Variants in PI4KB observed in about 807,000 individuals in gnomAD.
PI4KB encodes PtdIns 4-kinase beta.
A neutral mutation model predicts 81.4 loss-of-function variants in PI4KB; 23 were observed. The ratio of observed to expected loss-of-function variants is 0.28; its 90% CI spans 0.20 to 0.40. The LOEUF is 0.40. Among genes scored for constraint, PI4KB ranks in the 10% least tolerant of loss-of-function variants. The probability of loss-of-function intolerance (pLI) is 1.00; values close to 1 mark genes in which losing one functional copy is unlikely to be tolerated. For synonymous variants in PI4KB, 381 were observed against 406.8 expected, an observed-to-expected ratio of 0.94 and a Z score of 0.76; for missense variants, 651 against 1,036.6, an observed-to-expected ratio of 0.63 and a Z score of 5.11.
intron 4 of PI4KB, among the ~76,000 whole-genome samples, chr1:151,307,001 G>A (rs1459763018): frequency 6.6e-6 from 1 of 152,134 alleles, no homozygotes; most frequent in Non-Finnish European, 1.5e-5. Flanking sequence ...CTTGAACCTG[G>A]GTTGCGGAGG....
At chr1:151,320,164 G>C (rs1376572549) in intron 1 of PI4KB, among the ~76,000 whole-genome samples, 1 of 152,194 alleles carries the variant, frequency 6.6e-6, no homozygotes, top group Non-Finnish European at 1.5e-5. Context: ...CTCACAAGTA[G>C]TTGGGACTAC....
At chr1:151,323,617 C>T (rs1649171972) in intron 1 of PI4KB, among the ~76,000 whole-genome samples, 1 of 151,798 alleles carries the variant, frequency 6.6e-6, no homozygotes, top group Non-Finnish European at 1.5e-5. Context: ...CCCAGCTACT[C>T]GGGAGGCTGA....
intron 11 of PI4KB, chr1:151,293,692 G>A: frequency 3.0e-6 from 1 of 330,776 alleles, no homozygotes; most frequent in East Asian, 8.5e-5. Flanking sequence ...GGAGAAGACA[G>A]ATGGAAGGAG....
chr1:151,310,103 G>A lies in PI4KB; in HGVS notation c.954+108C>T, dbSNP rs1309608656. On this transcript the variant is annotated intron_variant, in intron 3 of 11. Coordinates refer to ENST00000368873, the MANE Select transcript of PI4KB (RefSeq NM_001369623.2). ...GAGCTGATCTCCCAGTAAGAAAAGG[G>A]GCATTTTAACTCCAGCCTTGGCCTG... 37 of 748,298 alleles carry A rather than the reference G, an allele frequency of 4.9e-5. No individual in the cohort carries two copies. In the South Asian group the frequency reaches 5.9e-4, roughly 12 times the overall value. 46.4% of individuals were successfully genotyped at this position (748,298 alleles called of 1,614,324 possible).
intron 4 of PI4KB, 144 bp downstream of exon 4, chr1:151,307,430 G>C: frequency 1.6e-6 from 1 of 622,462 alleles, no homozygotes; most frequent in Non-Finnish European, 2.9e-6. Context: ...CACTGAGACA[G>C]AGTCATGGTT....
intron 2 of PI4KB, among the ~76,000 whole-genome samples, chr1:151,314,407 C>T (rs1264465837): frequency 6.6e-6 from 1 of 152,184 alleles, no homozygotes; most frequent in Non-Finnish European, 1.5e-5. Context: ...CTTGGTAGTC[C>T]ACTGGGCAGC....
In PI4KB at chr1:151,315,718, G is replaced by A; in HGVS notation, c.764C>T (p.Pro255Leu). 1.2e-6 allele frequency: 2 copies of A among 1,614,090 alleles called. No individual in the cohort carries two copies. Among genetic ancestry groups the A allele is most frequent in the East Asian group, 2.2e-5 (1 of 44,874 alleles). ...LKPAHRKREL[P>L]SLSPAPDTGL... The stretch of plus-strand genomic sequence containing the variant: ...TGTGTCAGGGGCCGGGCTCAAGGAG[G>A]GCAGCTCCCTCTTCCTGTGAGCTGG... The change falls in exon 2 of 12, where the codon CCC (proline) becomes CTC (leucine). Residue 255 changes from proline (P) to leucine (L), a missense_variant. By Grantham distance (98) the Pro-to-Leu change is moderately conservative. This residue lies in a region of PI4KB where 314 missense variants were observed against 397.8 expected (regional missense o/e 0.79). Transcript: ENST00000368873.
rs1647929141 is a variant in PI4KB, at chr1:151,316,303, T to C, written c.179A>G (p.Lys60Arg). The change falls in exon 2 of 12, where the codon AAG (lysine) becomes AGG (arginine). Residue 60 changes from lysine to arginine, a missense_variant. Coordinates refer to ENST00000368873, the MANE Select transcript of PI4KB (RefSeq NM_001369623.2). ...KACQEVLEKVKLLHGGVAVSS... is the reference protein window; with the variant it reads ...KACQEVLEKVRLLHGGVAVSS... ...GACTGCCACGCCTCCATGCAAAAGC[T>C]TGACTTTCTCCAACACCTCCTGGCA... 14 of 1,614,180 alleles carry C rather than the reference T, an allele frequency of 8.7e-6. No individual in the cohort carries two copies. The highest frequency in any genetic ancestry group is 1.2e-5 in the Non-Finnish European group (14 of 1,180,018).
Position 151,295,553 on chromosome 1 carries a change from T to C in PI4KB, c.2016-1012A>G, listed in dbSNP as rs964965932. Among the ~76,000 whole-genome samples the C allele has an allele frequency of 2.6e-5, 4 of 152,226 alleles. 1 individual carries two copies. The highest frequency in any genetic ancestry group is 6.3e-3 in the Middle Eastern group (2 of 316). ...AAGGTGCCATAGCCTCTCTTTTCAC[T>C]ACCAGAGTTAGCTCCAGCTGGAAAG... On this transcript the variant is annotated intron_variant, in intron 9 of 11. Coordinates refer to ENST00000368873, the MANE Select transcript of PI4KB (RefSeq NM_001369623.2).
chr1:151,294,128 C>G lies in PI4KB; in HGVS notation c.2159G>C (p.Gly720Ala). 1 of 1,613,038 alleles carries G rather than the reference C, an allele frequency of 6.2e-7. No individual in the cohort carries two copies. Among genetic ancestry groups the G allele is most frequent in the Middle Eastern group, 1.7e-4 (1 of 6,054 alleles). Residue 720 changes from glycine to alanine, a missense_variant, in exon 11 of 12, where the codon GGC becomes GCC. Coordinates refer to ENST00000368873, the MANE Select transcript of PI4KB (RefSeq NM_001369623.2). Reference sequence around the variant, plus strand: ...GTAGTTGAACATGTCGCCATCCAGGCCGCCCATCACCTGGAAAGGGAAGAG... The same window carrying G: ...GTAGTTGAACATGTCGCCATCCAGGGCGCCCATCACCTGGAAAGGGAAGAG... The part of the protein sequence containing the change: ...LTTEFVDVMG[G>A]LDGDMFNYYK...
intron 6 of PI4KB, among the ~76,000 whole-genome samples, chr1:151,303,043 G>C (rs1385544157): frequency 7.4e-6 from 1 of 135,968 alleles, no homozygotes; most frequent in Non-Finnish European, 1.5e-5. Context: ...CTGTCGCCCA[G>C]GCTGGAGTGC....
intron 8 of PI4KB, among the ~76,000 whole-genome samples, chr1:151,300,278 C>T (rs1695150305): frequency 1.3e-5 from 2 of 152,208 alleles, no homozygotes; most frequent in African/African-American, 4.8e-5. Context: ...TTTGCCTCCG[C>T]AAAATTTTCT....
At position 151,317,379 on chromosome 1, in the gene PI4KB, C is replaced by T. The variant is rs192980579; in HGVS notation, c.-28-870G>A. ...TTGCCCAGGCTGGAGTGCAGTGGCG[C>T]GATCAGAACTCACTGTAGCCTTGAT... On this transcript the variant is annotated intron_variant, in intron 1 of 11. Coordinates refer to ENST00000368873, the MANE Select transcript of PI4KB (RefSeq NM_001369623.2). 5.3e-3 allele frequency among the ~76,000 whole-genome samples: 795 copies of T among 150,500 alleles called. 4 individuals carry two copies. Among genetic ancestry groups the T allele is most frequent in the Non-Finnish European group, 7.6e-3 (510 of 67,412 alleles).
At position 151,298,908 on chromosome 1, in the gene PI4KB, C is replaced by T; in HGVS notation, c.1915G>A (p.Gly639Ser). 3.7e-6 allele frequency: 6 copies of T among 1,614,114 alleles called. No homozygotes were observed. The highest frequency in any genetic ancestry group is 1.3e-5 in the African/African-American group (1 of 75,024). The change falls in exon 9 of 12, where the codon GGC (glycine) becomes AGC (serine). Residue 639 changes from glycine (G) to serine (S), a missense_variant. By Grantham distance (56) the Gly-to-Ser change is moderately conservative (BLOSUM62 0). Transcript: ENST00000368873. ...SLLDYFLQEHGSYTTEAFLSA... is the reference protein window; with the variant it reads ...SLLDYFLQEHSSYTTEAFLSA... ...AGGAATGCCTCAGTGGTGTAACTGC[C>T]GTGCTCCTGTAGGAAGTAATCGAGC... is the stretch of plus-strand genomic sequence containing the variant.
intron 1 of PI4KB, among the ~76,000 whole-genome samples, chr1:151,325,237 C>G (rs1422152850): frequency 6.6e-6 from 1 of 152,080 alleles, no homozygotes; most frequent in Admixed American, 6.6e-5. Context: ...GGGTGATCTG[C>G]CTGCCTCGGC....
At chr1:151,306,098 T>C in intron 5 of PI4KB, 38 bp downstream of exon 5, 1 of 1,521,456 alleles carries the variant, frequency 6.6e-7, no homozygotes, top group Non-Finnish European at 9.1e-7. Flanking sequence ...TGGAGAAAGC[T>C]CCTGTGACCC....
rs771369229 is a variant in PI4KB at position 151,301,877 on chromosome 1, C to T, written c.1716G>A (p.Glu572=). 1 of 1,614,134 alleles carries T rather than the reference C, an allele frequency of 6.2e-7. No individual in the cohort carries two copies. The highest frequency in any genetic ancestry group is 8.5e-7 in the Non-Finnish European group (1 of 1,180,016). Reference sequence around the variant, plus strand: ...GCTTCAACACCTGAAAGGCCAGAAGCTCTTGCCGAAGGTCATCCCCACACT... The same window carrying T: ...GCTTCAACACCTGAAAGGCCAGAAGTTCTTGCCGAAGGTCATCCCCACACT... ...IVKCGDDLRQ[E]LLAFQVLKQL... The change falls in exon 8 of 12, where the codon GAG becomes GAA. Residue 572 remains glutamate, a synonymous_variant. Transcript: ENST00000368873.
At chr1:151,306,539 T>C in intron 4 of PI4KB, 176 bp from the exon 5 acceptor site, 2 of 598,770 alleles carry the variant, frequency 3.3e-6, no homozygotes, top group Non-Finnish European at 6.0e-6. Flanking sequence ...TGATCACCTA[T>C]GTAAAGAATT....
intron 1 of PI4KB, among the ~76,000 whole-genome samples, chr1:151,322,092 T>C (rs1226461081): frequency 1.3e-5 from 2 of 152,100 alleles, no homozygotes; most frequent in Admixed American, 1.3e-4. Flanking sequence ...GGCTCTACAC[T>C]TCACACTGGG....
Sources: allele counts gnomAD v4.1 joint callset (sites outside exome capture counted in the v4.1 genomes callset), GRCh38; gene constraint gnomAD v4.1.1; regional missense constraint gnomAD v4.1.1; transcripts MANE v1.5; gene names NCBI Gene and HGNC (gene_info 2026-07-23, HGNC 2026-07-21).